The following PALLD variants were observed in gnomAD, a reference collection of about 807,000 sequenced individuals.
PALLD encodes palladin, cytoskeletal associated protein, also known as palladin.
In PALLD, 61 loss-of-function variants were observed where a neutral mutation model predicts 123.5. The ratio of observed to expected loss-of-function variants is 0.49; its 90% CI spans 0.40 to 0.61. PALLD has a LOEUF of 0.61. PALLD is among the 20% of genes least tolerant of loss of function. The pLI is 0.00. For missense variants in PALLD, 1,273 were observed against 1,377.0 expected (o/e 0.92, Z 1.20); for synonymous variants, 465 against 496.4 (o/e 0.94, Z 0.84).
At chr4:168,627,733 G>A (rs1354691132) in intron 2 of PALLD, among the ~76,000 whole-genome samples, 1 of 152,136 alleles carries the variant, frequency 6.6e-6, no homozygotes, top group Non-Finnish European at 1.5e-5. Flanking sequence ...CTAACGCAAA[G>A]GGATAATCTC....
intron 10 of PALLD, among the ~76,000 whole-genome samples, chr4:168,757,056 A>G (rs1294989004): frequency 6.6e-6 from 1 of 152,206 alleles, no homozygotes; most frequent in African/African-American, 2.4e-5. Flanking sequence ...AATCTTTTGA[A>G]TTGGACAAGA....
chr4:168,660,376 C>T (rs2149973765), intron 2 of PALLD, among the ~76,000 whole-genome samples: 1 of 152,222 alleles, frequency 6.6e-6, no homozygotes, highest in East Asian at 1.9e-4. Context: ...GGACTCAGAC[C>T]AAGTCAGCAG....
intron 2 of PALLD, among the ~76,000 whole-genome samples, chr4:168,562,407 G>A (rs891303318): frequency 1.8e-4 from 27 of 152,304 alleles, no homozygotes; most frequent in African/African-American, 5.5e-4. Context: ...TGGAGATATC[G>A]CTATGAACAA....
intron 10 of PALLD, among the ~76,000 whole-genome samples, chr4:168,792,020 A>G (rs1737596750): frequency 6.6e-6 from 1 of 152,224 alleles, no homozygotes; most frequent in African/African-American, 2.4e-5. Flanking sequence ...TTTTGGGACC[A>G]AGGAACTCTT....
rs1345010497 is a variant in PALLD at position 168,531,857 on chromosome 4, G to A, written c.908+19445G>A. Among the ~76,000 whole-genome samples, 3 of 152,086 alleles carry A rather than the reference G, an allele frequency of 2.0e-5. No homozygotes were observed. The East Asian group carries it at 5.8e-4, about 29-fold the overall frequency. ...CTGCTTTGGCAATTGAGGGGCTGGA[G>A]TTTTACAGGGGAAGGGGAATCTTCC... is the stretch of plus-strand genomic sequence containing the variant. On this transcript the variant is annotated intron_variant, in intron 2 of 21. Transcript: ENST00000505667.
At position 168,668,377 on chromosome 4, in the gene PALLD, G is replaced by A. The variant is rs368254771; in HGVS notation, c.1087+9G>A. ...TGAGGTGTTCATTGAAGGTAAGGAGGGGTGCCTGGTAATGGGGGATAAAGG... is the reference window on the plus strand; with the variant it reads ...TGAGGTGTTCATTGAAGGTAAGGAGAGGTGCCTGGTAATGGGGGATAAAGG... On this transcript the variant is annotated intron_variant, in intron 3 of 21. Transcript: ENST00000505667. 5.8e-5 allele frequency: 92 copies of A among 1,591,712 alleles called. No homozygotes were observed. In the African/African-American group the frequency reaches 1.2e-3, roughly 20 times the overall value.
In PALLD at chr4:168,684,179, A is replaced by T. The variant is rs539162612; in HGVS notation, c.1260+1076A>T. Among the ~76,000 whole-genome samples the T allele has an allele frequency of 6.6e-5, 10 of 152,304 alleles. No individual in the cohort carries two copies. The South Asian group carries it at 2.1e-3, about 32-fold the overall frequency. On this transcript the variant is annotated intron_variant, in intron 5 of 21. Transcript: ENST00000505667. The stretch of plus-strand genomic sequence containing the variant: ...CCCACCCCATTCCCAAATGGGGTGA[A>T]TGTGACAGAATGTATTTAGATGTAA...
chr4:168,607,947 G>A (rs893894900), intron 2 of PALLD, among the ~76,000 whole-genome samples: 1 of 152,180 alleles, frequency 6.6e-6, no homozygotes, highest in Admixed American at 6.5e-5. Context: ...TGTCTTTGCT[G>A]CCAATCTTAC....
At chr4:168,503,158 C>T (rs1761604947) in intron 1 of PALLD, among the ~76,000 whole-genome samples, 1 of 152,208 alleles carries the variant, frequency 6.6e-6, no homozygotes, top group Non-Finnish European at 1.5e-5. Context: ...GCTCCTGCTT[C>T]CATTGGGCTC....
chr4:168,897,993 AT>A (rs1189303318), intron 13 of PALLD: 1 of 149,942 alleles, frequency 6.7e-6, no homozygotes, highest in African/African-American at 2.5e-5. Context: ...TTCTTTTACT[AT>A]TTTTTCTATT....
chr4:168,551,735 C>T (rs1236826282), intron 2 of PALLD, among the ~76,000 whole-genome samples: 4 of 151,716 alleles, frequency 2.6e-5, no homozygotes, highest in African/African-American at 7.3e-5. Flanking sequence ...TTTAGAGCAG[C>T]TTGTCCATGG....
intron 10 of PALLD, among the ~76,000 whole-genome samples, chr4:168,803,376 C>T (rs578107799): frequency 1.3e-5 from 2 of 152,074 alleles, no homozygotes; most frequent in African/African-American, 2.4e-5. Context: ...AAGGAGGATA[C>T]GTACTTGCAT....
chr4:168,662,301 A>G (rs765760282), intron 2 of PALLD, among the ~76,000 whole-genome samples: 18 of 152,208 alleles, frequency 1.2e-4, no homozygotes, highest in Non-Finnish European at 2.6e-4. Context: ...TCTCTCAATC[A>G]AAACCCCTCT....
chr4:168,596,542 T>A lies in PALLD; in HGVS notation c.909-71648T>A, dbSNP rs190587531. On this transcript the variant is annotated intron_variant, in intron 2 of 21. Transcript: ENST00000505667. ...ATAATGAGCTAAGAGCCTGGAGAAA[T>A]GACTTTTGGACATTTCATCCCAGAG... 3.5e-4 allele frequency among the ~76,000 whole-genome samples: 54 copies of A among 152,158 alleles called. No individual in the cohort carries two copies. In the East Asian group the frequency reaches 0.01, roughly 28 times the overall value.
At chr4:168,587,717 G>T (rs1326756452) in intron 2 of PALLD, among the ~76,000 whole-genome samples, 1 of 152,078 alleles carries the variant, frequency 6.6e-6, no homozygotes, top group African/African-American at 2.4e-5. Flanking sequence ...CTAAGACTAA[G>T]GATTTCACCA....
intron 10 of PALLD, among the ~76,000 whole-genome samples, chr4:168,720,389 C>T (rs1300516359): frequency 1.3e-5 from 2 of 152,140 alleles, no homozygotes; most frequent in African/African-American, 2.4e-5. Context: ...TCATTATCCT[C>T]GAAGGCTAGT....
chr4:168,617,646 C>T (rs780629049), intron 2 of PALLD, among the ~76,000 whole-genome samples: 9 of 152,158 alleles, frequency 5.9e-5, no homozygotes, highest in South Asian at 2.1e-4. Context: ...CTCACTTTTT[C>T]GTGTGCATTT....
intron 8 of PALLD, among the ~76,000 whole-genome samples, chr4:168,706,007 G>C (rs1011898015): frequency 5.3e-5 from 8 of 151,740 alleles, no homozygotes; most frequent in African/African-American, 1.9e-4. Flanking sequence ...TTTTTATTAT[G>C]GTTAAAGAAA....
intron 10 of PALLD, among the ~76,000 whole-genome samples, chr4:168,799,072 G>A (rs182573015): frequency 3.9e-5 from 6 of 152,280 alleles, no homozygotes; most frequent in South Asian, 2.1e-4. Flanking sequence ...ATAAAGTGAC[G>A]TACAGGAATC....
Sources: allele counts gnomAD v4.1 joint callset (sites outside exome capture counted in the v4.1 genomes callset), GRCh38; gene constraint gnomAD v4.1.1; transcripts MANE v1.5; gene names NCBI Gene and HGNC (gene_info 2026-07-23, HGNC 2026-07-21).